Variants in KCNT1 observed in about 807,000 individuals in gnomAD.
The protein encoded by KCNT1 is potassium sodium-activated channel subfamily T member 1.
In KCNT1, 78 loss-of-function variants were observed where a neutral mutation model predicts 147.8. The observed-to-expected ratio is 0.53, with a 90% CI of 0.44 to 0.64. The LOEUF is 0.64. Among genes scored for constraint, KCNT1 ranks in the 30% least tolerant of loss-of-function variants. The pLI, the probability that KCNT1 is intolerant of heterozygous loss-of-function variation, is 0.00. For synonymous variants in KCNT1, 867 were observed against 748.8 expected (o/e 1.16, Z -2.58); for missense variants, 1,419 against 1,750.3 (o/e 0.81, Z 3.38).
At chr9:135,785,224 C>T in intron 27 of KCNT1, 86 bp from the exon 28 acceptor site, 1 of 1,576,144 alleles carries the variant, frequency 6.3e-7, no homozygotes, top group Non-Finnish European at 8.6e-7. Flanking sequence ...CAGCCCTAAG[C>T]ATGTTCCGTG....
chr9:135,718,945 G>A (rs1588261065), intron 2 of KCNT1, among the ~76,000 whole-genome samples: 1 of 152,224 alleles, frequency 6.6e-6, no homozygotes, highest in Non-Finnish European at 1.5e-5. Context: ...GTACCGCCCG[G>A]TGGAGGAAGT....
chr9:135,705,140 G>A (rs977354230), intron 1 of KCNT1, among the ~76,000 whole-genome samples: 2 of 152,232 alleles, frequency 1.3e-5, no homozygotes, highest in Non-Finnish European at 2.9e-5. Flanking sequence ...GCCTGGTGTG[G>A]CAGTAGTGGG....
At chr9:135,788,545 C>T (rs1186923252) in intron 29 of KCNT1, among the ~76,000 whole-genome samples, 2 of 152,248 alleles carry the variant, frequency 1.3e-5, no homozygotes, top group African/African-American at 4.8e-5. Context: ...TGGCCGGCCC[C>T]ACAAGCAGTC....
chr9:135,792,494 G>A lies in KCNT1; in HGVS notation c.*333G>A, dbSNP rs749540670. 4 of 241,124 alleles carry A rather than the reference G, an allele frequency of 1.7e-5. No homozygotes were observed. The highest frequency in any genetic ancestry group is 3.3e-5 in the Non-Finnish European group (4 of 122,116). 14.9% of individuals were successfully genotyped at this position (241,124 alleles called of 1,614,324 possible). ...GGACGCCCTACAGGGCCGAGCCCAG[G>A]CTGTGCTGGAGGGTGGGGCTGGGGT... On this transcript the variant is annotated 3_prime_UTR_variant, in exon 31 of 31. Transcript: ENST00000371757.
chr9:135,757,430 G>C, intron 9 of KCNT1, 49 bp downstream of exon 9: 1 of 1,534,772 alleles, frequency 6.5e-7, no homozygotes, highest in Non-Finnish European at 8.9e-7. Context: ...GCCACCCTCA[G>C]CCTCACCGGC....
rs1409286320 is a variant in KCNT1 at position 135,793,044 on chromosome 9, T to C, written c.*883T>C. 2 of 152,170 alleles carry C rather than the reference T, an allele frequency of 1.3e-5. No individual in the cohort carries two copies. Among genetic ancestry groups the C allele is most frequent in the African/African-American group, 4.8e-5 (2 of 41,416 alleles). 9.4% of individuals were successfully genotyped at this position (152,170 alleles called of 1,614,324 possible). On this transcript the variant is annotated 3_prime_UTR_variant, in exon 31 of 31. Transcript: ENST00000371757. ...GCGAGATCCCGGGCGGCGGCTGACA[T>C]CAGGAGCGCCACCCTGCGTCCTTTG...
chr9:135,775,513 T>TA (rs1833102970), intron 20 of KCNT1, 98 bp downstream of exon 20: 3 of 854,600 alleles, frequency 3.5e-6, no homozygotes, highest in Non-Finnish European at 3.6e-6. Context: ...TACATTTCGA[T>TA]ACCATTGCAA....
rs1276318460 is a variant in KCNT1 at position 135,731,991 on chromosome 9, T to TATATATATACAG, written c.254+17272_254+17273insTATATATACAGA. ...ATATATATATATATATATATATATATAGAGAGAGAGAGAGAGAGAGAGAGA... is the reference window on the plus strand; with the variant it reads ...ATATATATATATATATATATATATATATATATATACAGAGAGAGAGAGAGAGAGAGAGAGAGA... On this transcript the variant is annotated intron_variant, in intron 2 of 30. Transcript: ENST00000371757. Among the ~76,000 whole-genome samples, 2 of 21,756 alleles carry TATATATATACAG rather than the reference T, an allele frequency of 9.2e-5. 1 individual carries two copies. The highest frequency in any genetic ancestry group is 1.7e-4 in the Non-Finnish European group (2 of 11,964). 14.3% of individuals were successfully genotyped at this position (21,756 alleles called of 152,430 possible). A position where few individuals can be genotyped will look rare whatever the true frequency, so the allele number is the denominator to read the frequency against.
At chr9:135,725,813 G>A (rs895670137) in intron 2 of KCNT1, among the ~76,000 whole-genome samples, 2 of 152,242 alleles carry the variant, frequency 1.3e-5, no homozygotes, top group African/African-American at 2.4e-5. Flanking sequence ...TTTGCTGGGC[G>A]GTTTGCCTGG....
Position 135,784,516 on chromosome 9 carries a change from T to TG in KCNT1, c.2944-19_2944-18insG. On this transcript the variant is annotated intron_variant, in intron 25 of 30. Coordinates refer to ENST00000371757, the MANE Select transcript of KCNT1 (RefSeq NM_020822.3). The stretch of plus-strand genomic sequence containing the variant: ...CTCCCTCCCTCCCTCCCTCCCTCCC[T>TG]CCCTCCCTCCCTGGCCAGTCCTTCG... 4 of 164,468 alleles carry TG rather than the reference T, an allele frequency of 2.4e-5. No homozygotes were observed. Among genetic ancestry groups the TG allele is most frequent in the Non-Finnish European group, 4.8e-5 (4 of 83,252 alleles). The allele number at this position is 164,468 out of a possible 1,614,324, so 10.2% of individuals were successfully genotyped here. A position where few individuals can be genotyped will look rare whatever the true frequency, so the allele number is the denominator to read the frequency against.
intron 2 of KCNT1, among the ~76,000 whole-genome samples, chr9:135,727,436 C>CT (rs1224027803): frequency 7.8e-4 from 101 of 129,784 alleles, no homozygotes; most frequent in Admixed American, 9.7e-4. Context: ...TCCCCCCTCT[C>CT]CCTCTCTCTC....
At chr9:135,718,514 T>C (rs2131336920) in intron 2 of KCNT1, among the ~76,000 whole-genome samples, 1 of 152,254 alleles carries the variant, frequency 6.6e-6, no homozygotes, top group East Asian at 1.9e-4. Flanking sequence ...TGAGGGACCA[T>C]CGTGGTGGCC....
intron 2 of KCNT1, among the ~76,000 whole-genome samples, chr9:135,721,676 G>A (rs1588264872): frequency 6.6e-6 from 1 of 152,252 alleles, no homozygotes; most frequent in East Asian, 1.9e-4. Flanking sequence ...CCGGGATGGT[G>A]TCCAAAAGTT....
intron 2 of KCNT1, among the ~76,000 whole-genome samples, chr9:135,733,953 CT>C (rs1364350550): frequency 2.0e-5 from 3 of 150,982 alleles, no homozygotes; most frequent in African/African-American, 7.3e-5. Context: ...GGCGCTGTCC[CT>C]CCCCCCTAGT....
intron 2 of KCNT1, among the ~76,000 whole-genome samples, chr9:135,745,433 C>T (rs1400692189): frequency 2.0e-5 from 3 of 152,216 alleles, no homozygotes; most frequent in Non-Finnish European, 4.4e-5. Flanking sequence ...CCCGCCTCTG[C>T]CCGTGGTCCA....
Position 135,786,180 on chromosome 9 carries a change from T to C in KCNT1, c.3178-17T>C, listed in dbSNP as rs1352783159. On this transcript the variant is annotated splice_polypyrimidine_tract_variant and intron_variant, in intron 28 of 30. Coordinates refer to ENST00000371757, the MANE Select transcript of KCNT1 (RefSeq NM_020822.3). ...AGCCTCACCCCTCCCCGCCCTGCCC[T>C]GCCCTGCCCTGCCCAGTCCCAGATC... The C allele has an allele frequency of 1.2e-5, 14 of 1,163,658 alleles. No homozygotes were observed. The highest frequency in any genetic ancestry group is 2.0e-4 in the Middle Eastern group (1 of 4,972). The allele number at this position is 1,163,658 out of a possible 1,614,324, so 72.1% of individuals were successfully genotyped here.
chr9:135,769,351 G>A (rs147532472), intron 15 of KCNT1, among the ~76,000 whole-genome samples: 249 of 152,110 alleles, frequency 1.6e-3, no homozygotes, highest in Middle Eastern at 3.4e-3. Flanking sequence ...GCATGTGCAC[G>A]CAGTTAGGCG....
chr9:135,734,273 G>A (rs528815830), intron 2 of KCNT1, among the ~76,000 whole-genome samples: 197 of 152,234 alleles, frequency 1.3e-3, no homozygotes, highest in Admixed American at 3.5e-3. Context: ...TGTGGACCCC[G>A]AGCCTGGGGC....
chr9:135,775,551 C>T (rs1833105947), intron 20 of KCNT1, 136 bp downstream of exon 20: 6 of 617,874 alleles, frequency 9.7e-6, no homozygotes, highest in African/African-American at 3.8e-5. Context: ...AAGAATTCTG[C>T]AAGGGAGAGC....
Sources: gnomAD v4.1 joint callset for allele counts (sites outside exome capture counted in the v4.1 genomes callset) on GRCh38, gnomAD v4.1.1 for gene constraint, MANE v1.5 for transcripts, NCBI Gene and HGNC (gene_info 2026-07-23, HGNC 2026-07-21) for gene names.